The following EYS variants were observed in gnomAD, a reference collection of about 807,000 sequenced individuals.
EYS encodes EGF-like photoreceptor maintenance factor.
A neutral mutation model predicts 282.1 loss-of-function variants in EYS; 250 were observed. That is an observed-to-expected ratio of 0.89 (90% confidence interval 0.80 to 0.98). EYS has a LOEUF of 0.98. Among genes scored for constraint, EYS ranks in the 50% least tolerant of loss-of-function variants. The pLI, the probability that EYS is intolerant of heterozygous loss-of-function variation, is 0.00. For synonymous variants in EYS, 1,355 were observed against 1,282.9 expected (o/e 1.06, Z -1.20); for missense variants, 4,016 against 3,709.0 (o/e 1.08, Z -2.15).
At chr6:64,322,261 G>A (rs1770242655) in intron 29 of EYS, among the ~76,000 whole-genome samples, 1 of 151,818 alleles carries the variant, frequency 6.6e-6, no homozygotes, top group African/African-American at 2.4e-5. Flanking sequence ...AAACCTAGAG[G>A]GTTTACTTTT....
chr6:65,188,836 G>C (rs1291968691), intron 12 of EYS, among the ~76,000 whole-genome samples: 5 of 151,026 alleles, frequency 3.3e-5, no homozygotes, highest in Non-Finnish European at 3.0e-5. Context: ...CTAGAAGATG[G>C]AAGAGGCAAG....
chr6:65,379,855 C>T (rs1765541535), intron 8 of EYS, among the ~76,000 whole-genome samples: 1 of 151,778 alleles, frequency 6.6e-6, no homozygotes, highest in South Asian at 2.1e-4. Context: ...TATGAGTGAA[C>T]TCCCATTGAG....
At chr6:65,096,801 A>G (rs552308227) in intron 12 of EYS, among the ~76,000 whole-genome samples, 1 of 151,144 alleles carries the variant, frequency 6.6e-6, no homozygotes, top group African/African-American at 2.4e-5. Context: ...TTACATGCAA[A>G]ATAATGAAAT....
chr6:64,355,571 C>G (rs1019799411), intron 29 of EYS, among the ~76,000 whole-genome samples: 1 of 151,568 alleles, frequency 6.6e-6, no homozygotes, highest in Non-Finnish European at 1.5e-5. Flanking sequence ...TTATTTGCTC[C>G]AAATCCAAGT....
intron 29 of EYS, among the ~76,000 whole-genome samples, chr6:64,327,808 C>T (rs1380948429): frequency 1.3e-5 from 2 of 152,174 alleles, no homozygotes; most frequent in Non-Finnish European, 1.5e-5. Context: ...ACCAATTTAT[C>T]CATCCCTGGC....
chr6:65,498,483 G>A (rs1256172390), intron 2 of EYS, among the ~76,000 whole-genome samples: 1 of 152,000 alleles, frequency 6.6e-6, no homozygotes, highest in African/African-American at 2.4e-5. Flanking sequence ...TTAGGCCTAT[G>A]TGACATTTTT....
intron 12 of EYS, 111 bp from the exon 13 acceptor site, chr6:65,057,838 C>T (rs2150157784): frequency 1.4e-6 from 1 of 705,074 alleles, no homozygotes; most frequent in Admixed American, 2.5e-5. Context: ...ACATCTGAAA[C>T]CAAATTTATT....
At chr6:64,215,626 A>G (rs2150330159) in intron 31 of EYS, among the ~76,000 whole-genome samples, 1 of 152,270 alleles carries the variant, frequency 6.6e-6, no homozygotes, top group East Asian at 1.9e-4. Context: ...CAAATAGCTA[A>G]ATGATTACTT....
chr6:64,381,413 T>C (rs897612108), intron 29 of EYS, among the ~76,000 whole-genome samples: 2 of 152,134 alleles, frequency 1.3e-5, no homozygotes, highest in Non-Finnish European at 2.9e-5. Flanking sequence ...AGATTACATA[T>C]TGTTTAAGTT....
At chr6:64,811,421 TA>T (rs35955002) in intron 22 of EYS, among the ~76,000 whole-genome samples, 183 of 146,154 alleles carry the variant, frequency 1.3e-3, no homozygotes, top group Middle Eastern at 3.4e-3. Flanking sequence ...CTTCATGCTG[TA>T]AAAAAAAAAA....
intron 6 of EYS, among the ~76,000 whole-genome samples, chr6:65,402,884 G>A (rs12212202): frequency 0.018 from 2,675 of 152,112 alleles, 29 homozygotes; most frequent in Non-Finnish European, 0.027. Flanking sequence ...TGGAGACAAT[G>A]ATGCTTTAAA....
At chr6:65,182,618 G>C (rs1441151767) in intron 12 of EYS, among the ~76,000 whole-genome samples, 1 of 151,712 alleles carries the variant, frequency 6.6e-6, no homozygotes, top group Non-Finnish European at 1.5e-5. Context: ...TAATTTAAAT[G>C]CTAATCCTCA....
chr6:64,196,540 T>C (rs1420044972), intron 31 of EYS, among the ~76,000 whole-genome samples: 1 of 152,120 alleles, frequency 6.6e-6, no homozygotes, highest in South Asian at 2.1e-4. Flanking sequence ...GTGGCACATA[T>C]ACACCACGGA....
At chr6:64,271,381 T>C (rs908099794) in intron 30 of EYS, among the ~76,000 whole-genome samples, 1 of 152,200 alleles carries the variant, frequency 6.6e-6, no homozygotes, top group African/African-American at 2.4e-5. Flanking sequence ...CATTTTTGTA[T>C]GTTACAAATA....
chr6:64,564,011 A>G (rs17529442), intron 26 of EYS, among the ~76,000 whole-genome samples: 4,599 of 151,938 alleles, frequency 0.03, 151 homozygotes, highest in East Asian at 0.11. Context: ...CTGCTTTCAA[A>G]AAAACAAATG....
chr6:64,902,253 T>C, intron 17 of EYS, 33 bp from the exon 18 acceptor site: 1 of 1,432,392 alleles, frequency 7.0e-7, no homozygotes, highest in Non-Finnish European at 9.5e-7. Flanking sequence ...ACTCCATTAG[T>C]ATATATGTAT....
intron 19 of EYS, among the ~76,000 whole-genome samples, chr6:64,832,138 A>G (rs971604918): frequency 3.3e-5 from 5 of 151,944 alleles, no homozygotes; most frequent in Non-Finnish European, 7.4e-5. Context: ...GGCCCTGTGT[A>G]TTAACTCTGA....
intron 2 of EYS, among the ~76,000 whole-genome samples, chr6:65,598,047 C>T (rs571528216): frequency 2.6e-5 from 4 of 152,110 alleles, no homozygotes; most frequent in Admixed American, 6.6e-5. Flanking sequence ...CTGCAGTGAG[C>T]TGTGATCCGG....
At chr6:63,937,649 G>T (rs991202746) in intron 35 of EYS, among the ~76,000 whole-genome samples, 1 of 151,792 alleles carries the variant, frequency 6.6e-6, no homozygotes, top group Non-Finnish European at 1.5e-5. Context: ...CCAAAGGGCT[G>T]GGATTATAGG....
Sources: gnomAD v4.1 joint callset for allele counts (sites outside exome capture counted in the v4.1 genomes callset) on GRCh38, gnomAD v4.1.1 for gene constraint, MANE v1.5 for transcripts, NCBI Gene and HGNC (gene_info 2026-07-23, HGNC 2026-07-21) for gene names.